TEX14: variants seen among roughly 807,000 people sequenced by gnomAD.
TEX14 encodes the protein inactive serine/threonine-protein kinase TEX14.
In TEX14, 168 loss-of-function variants were observed where a neutral mutation model predicts 178.6. That is an observed-to-expected ratio of 0.94 (90% CI 0.83 to 1.07). TEX14 has a LOEUF of 1.07. TEX14 is among the 50% of genes least tolerant of loss of function. The pLI, the probability that TEX14 is intolerant of heterozygous loss-of-function variation, is 0.00. For missense variants in TEX14, 1,730 were observed against 1,753.6 expected (o/e 0.99, Z 0.24); for synonymous variants, 626 against 634.1 (o/e 0.99, Z 0.19).
chr17:58,684,818 A>G lies in TEX14; in HGVS notation c.-2+7121T>C, dbSNP rs1488579845. Among the ~76,000 whole-genome samples the G allele has an allele frequency of 2.0e-5, 3 of 151,796 alleles. No individual in the cohort carries two copies. The East Asian group carries it at 5.9e-4, about 30-fold the overall frequency. ...GGCAAAACCCTGTCTCCACTAAAAA[A>G]TACAAAAATTAGCTGGGCGTGGTGT... On this transcript the variant is annotated intron_variant, in intron 1 of 31. Coordinates refer to ENST00000349033, the MANE Select transcript of TEX14 (RefSeq NM_031272.5).
At chr17:58,670,808 T>TA (rs2047294010) in intron 1 of TEX14, among the ~76,000 whole-genome samples, 1 of 138,734 alleles carries the variant, frequency 7.2e-6, no homozygotes, top group African/African-American at 2.6e-5. Context: ...AAAGTGACTA[T>TA]ACTTAATATA....
chr17:58,579,606 C>G, intron 20 of TEX14, 59 bp downstream of exon 20: 1 of 1,416,722 alleles, frequency 7.1e-7, no homozygotes, highest in Non-Finnish European at 1.0e-6. Flanking sequence ...CATCTGTGAT[C>G]CAACAGAAGA....
intron 1 of TEX14, among the ~76,000 whole-genome samples, chr17:58,674,113 A>G (rs1388508196): frequency 6.6e-6 from 1 of 151,960 alleles, no homozygotes; most frequent in Non-Finnish European, 1.5e-5. Flanking sequence ...ATCTCTACTA[A>G]AACTACAAAA....
At chr17:58,568,601 A>G (rs552495925) in intron 26 of TEX14, among the ~76,000 whole-genome samples, 1 of 152,366 alleles carries the variant, frequency 6.6e-6, no homozygotes, top group South Asian at 2.1e-4. Context: ...CCCAGTTTCC[A>G]TAACAATGTA....
chr17:58,577,400 T>C lies in TEX14; in HGVS notation c.3295A>G (p.Arg1099Gly). The C allele has an allele frequency of 6.6e-7, 1 of 1,505,262 alleles. No homozygotes were observed. The highest frequency in any genetic ancestry group is 8.9e-7 in the Non-Finnish European group (1 of 1,121,684). 93.2% of individuals were successfully genotyped at this position (1,505,262 alleles called of 1,614,324 possible). The change falls in exon 21 of 32, where the codon AGG becomes GGG. Residue 1099 changes from arginine (R) to glycine (G), a missense_variant. Arg to Gly is a moderately radical substitution (Grantham distance 125). Transcript: ENST00000349033. Reference protein sequence around the residue: ...ILGKNAEILPRSQFQPVRSTE... With the variant: ...ILGKNAEILPGSQFQPVRSTE... ...CTTCGTACAGGTTGAAATTGAGACC[T>C]GGGCAAAATCTCAGCATTCTTTCCA...
chr17:58,683,822 T>G (rs1282395498), intron 1 of TEX14, among the ~76,000 whole-genome samples: 1 of 150,314 alleles, frequency 6.7e-6, no homozygotes, highest in African/African-American at 2.5e-5. Flanking sequence ...ATCCCAGCAC[T>G]TTGGGAGGCT....
intron 3 of TEX14, among the ~76,000 whole-genome samples, chr17:58,625,853 G>A (rs1185748633): frequency 6.6e-6 from 1 of 151,982 alleles, no homozygotes; most frequent in Non-Finnish European, 1.5e-5. Context: ...ATATTCTCCT[G>A]CCTGAGCCTC....
At chr17:58,637,848 C>T in intron 2 of TEX14, among the ~76,000 whole-genome samples, 1 of 150,064 alleles carries the variant, frequency 6.7e-6, no homozygotes, top group Non-Finnish European at 1.5e-5. Flanking sequence ...AGGTTTACAA[C>T]CTACTGCCTT....
At chr17:58,656,925 CAAAAAAAA>C (rs60626361) in intron 1 of TEX14, among the ~76,000 whole-genome samples, 2 of 79,522 alleles carry the variant, frequency 2.5e-5, no homozygotes, top group Non-Finnish European at 4.3e-5. Flanking sequence ...TCCCATCTCA[CAAAAAAAA>C]AAAAAAAAAA....
At chr17:58,683,766 A>G (rs567605571) in intron 1 of TEX14, among the ~76,000 whole-genome samples, 1 of 135,814 alleles carries the variant, frequency 7.4e-6, no homozygotes, top group South Asian at 2.4e-4. Flanking sequence ...CCAGCTCAAA[A>G]AAAAAAAAAG....
At chr17:58,683,400 G>C (rs2047535177) in intron 1 of TEX14, among the ~76,000 whole-genome samples, 1 of 150,530 alleles carries the variant, frequency 6.6e-6, no homozygotes, top group South Asian at 2.1e-4. Flanking sequence ...GGAAATATAT[G>C]TTTGTTAAAT....
intron 13 of TEX14, 124 bp from the exon 14 acceptor site, chr17:58,599,790 C>T (rs2045384533): frequency 1.3e-6 from 1 of 748,814 alleles, no homozygotes; most frequent in Non-Finnish European, 2.1e-6. Flanking sequence ...TTTTCCCACC[C>T]CCTTCCCAGT....
chr17:58,558,689 G>A (rs2044205701), intron 30 of TEX14, among the ~76,000 whole-genome samples: 2 of 152,074 alleles, frequency 1.3e-5, no homozygotes, highest in Admixed American at 6.6e-5. Flanking sequence ...ATGGGAGAGC[G>A]TCATTGTAAA....
At chr17:58,681,759 C>T (rs1048342629) in intron 1 of TEX14, among the ~76,000 whole-genome samples, 1 of 151,792 alleles carries the variant, frequency 6.6e-6, no homozygotes, top group Non-Finnish European at 1.5e-5. Context: ...AGGAGAATCG[C>T]TTGAACCTGA....
rs1171454100 is a variant in TEX14, at chr17:58,572,035, A to G, written c.3603T>C (p.Ser1201=). The change falls in exon 24 of 32, where the codon AGT becomes AGC. Residue 1201 remains serine (S), a synonymous_variant. Transcript: ENST00000349033. ...VKTEFASCWN[S]QEFIQTLSDD... is the part of the protein sequence containing the mutation. The stretch of plus-strand genomic sequence containing the variant: ...CAGACAAAGTTTGAATAAATTCTTG[A>G]CTGTTCCAGCAAGAGGCAAACTCTG... 2 of 1,614,018 alleles carry G rather than the reference A, an allele frequency of 1.2e-6. No individual in the cohort carries two copies. The highest frequency in any genetic ancestry group is 1.7e-6 in the Non-Finnish European group (2 of 1,179,902).
At chr17:58,660,726 G>C (rs776613687) in intron 1 of TEX14, 1 of 781,354 alleles carries the variant, frequency 1.3e-6, no homozygotes, top group Non-Finnish European at 2.4e-6. Flanking sequence ...AATTCTTCTG[G>C]TGTTGCCTTG....
chr17:58,633,764 C>T (rs1399266061), intron 2 of TEX14, among the ~76,000 whole-genome samples: 2 of 151,856 alleles, frequency 1.3e-5, no homozygotes, highest in Middle Eastern at 3.4e-3. Flanking sequence ...GTCAGGAGCT[C>T]GAGACCTGCC....
At chr17:58,557,655 C>G (rs1263039100) in intron 31 of TEX14, 144 bp downstream of exon 31, 1 of 613,028 alleles carries the variant, frequency 1.6e-6, no homozygotes, top group African/African-American at 1.9e-5. Flanking sequence ...ACTATAAACA[C>G]TAACATTTTA....
intron 1 of TEX14, among the ~76,000 whole-genome samples, chr17:58,660,112 T>A (rs911089665): frequency 6.6e-6 from 1 of 150,902 alleles, no homozygotes; most frequent in African/African-American, 2.4e-5. Flanking sequence ...GCTTAATAAT[T>A]TAACACTTTA....
Sources: gnomAD v4.1 joint callset for allele counts (sites outside exome capture counted in the v4.1 genomes callset) on GRCh38, gnomAD v4.1.1 for gene constraint, MANE v1.5 for transcripts, NCBI Gene and HGNC (gene_info 2026-07-23, HGNC 2026-07-21) for gene names.